The following ARHGEF28 variants were observed in gnomAD, a reference collection of about 807,000 sequenced individuals.
ARHGEF28 encodes the protein 190 kDa guanine nucleotide exchange factor.
Under a neutral mutation model 206.6 loss-of-function variants are expected in ARHGEF28, and 152 were observed. The ratio of observed to expected loss-of-function variants is 0.74; its 90% CI spans 0.64 to 0.84. The LOEUF (loss-of-function observed/expected upper bound fraction) is 0.84. Ranked by LOEUF, ARHGEF28 falls within the 40% of genes least tolerant of loss-of-function variation. The pLI is 0.00. For synonymous variants in ARHGEF28, 763 were observed against 776.4 expected (o/e 0.98, Z 0.29); for missense variants, 2,028 against 2,073.2 (o/e 0.98, Z 0.42).
chr5:73,824,978 A>C (rs1756819257), intron 9 of ARHGEF28, among the ~76,000 whole-genome samples: 1 of 152,336 alleles, frequency 6.6e-6, no homozygotes, highest in Admixed American at 6.5e-5. Context: ...TCAGAATCTG[A>C]GAAAACATTA....
chr5:73,739,039 G>C (rs1751195296), intron 2 of ARHGEF28, among the ~76,000 whole-genome samples: 1 of 152,176 alleles, frequency 6.6e-6, no homozygotes, highest in Non-Finnish European at 1.5e-5. Context: ...GTCACTAATA[G>C]AACTTAGTTG....
intron 2 of ARHGEF28, among the ~76,000 whole-genome samples, chr5:73,717,453 C>G (rs1580521308): frequency 6.6e-6 from 1 of 152,274 alleles, no homozygotes; most frequent in East Asian, 1.9e-4. Flanking sequence ...CTGCCACCAT[C>G]TAGTCCTTTC....
chr5:73,674,075 G>A (rs1746508801), intron 1 of ARHGEF28, among the ~76,000 whole-genome samples: 1 of 152,044 alleles, frequency 6.6e-6, no homozygotes, highest in Non-Finnish European at 1.5e-5. Context: ...GAGGGCTGAG[G>A]TGGGAGGATC....
At chr5:73,678,435 T>C (rs888507719) in intron 1 of ARHGEF28, among the ~76,000 whole-genome samples, 1 of 152,244 alleles carries the variant, frequency 6.6e-6, no homozygotes, top group African/African-American at 2.4e-5. Flanking sequence ...AAGTGAAATG[T>C]AAATAACATT....
chr5:73,689,195 G>A (rs1488208694), intron 2 of ARHGEF28, among the ~76,000 whole-genome samples: 1 of 152,174 alleles, frequency 6.6e-6, no homozygotes, highest in Non-Finnish European at 1.5e-5. Context: ...AGAAGGAGGT[G>A]CAGTCTTTGG....
At chr5:73,767,505 G>A (rs1485240047) in intron 4 of ARHGEF28, among the ~76,000 whole-genome samples, 7 of 152,112 alleles carry the variant, frequency 4.6e-5, no homozygotes, top group Non-Finnish European at 7.4e-5. Flanking sequence ...CGAAGGTTAC[G>A]TTTTAGCAAA....
chr5:73,887,789 TTC>T, intron 26 of ARHGEF28, 110 bp downstream of exon 26: 1 of 869,842 alleles, frequency 1.1e-6, no homozygotes, highest in South Asian at 2.0e-5. Flanking sequence ...AAGTATATGC[TTC>T]TGTTATGTTT....
In ARHGEF28 at chr5:73,892,043, T is replaced by A. The variant is rs1262666696; in HGVS notation, c.3388-9T>A. 1 of 1,594,874 alleles carries A rather than the reference T, an allele frequency of 6.3e-7. No homozygotes were observed. Among genetic ancestry groups the A allele is most frequent in the Non-Finnish European group, 8.6e-7 (1 of 1,169,562 alleles). On this transcript the variant is annotated splice_polypyrimidine_tract_variant and intron_variant, in intron 26 of 35. Coordinates refer to ENST00000513042, the MANE Select transcript of ARHGEF28 (RefSeq NM_001177693.2). ...CTGTTTCATCTGCTCACCTTCCTAT[T>A]TTATGTAGGATCAGAAGCCATCAGT...
At chr5:73,844,803 A>G (rs1758213362) in intron 11 of ARHGEF28, among the ~76,000 whole-genome samples, 1 of 149,514 alleles carries the variant, frequency 6.7e-6, no homozygotes, top group Non-Finnish European at 1.5e-5. Flanking sequence ...CACACATTTG[A>G]AATGCTTCGT....
rs1035161166 is a variant in ARHGEF28 at position 73,815,546 on chromosome 5, G to A, written c.1025-16792G>A. ...TCTGTAGAGTCTACCAAATCTCTGT[G>A]TCAATTCTAACCCAGTTAAATTTGG... On this transcript the variant is annotated intron_variant, in intron 9 of 35. Coordinates refer to ENST00000513042, the MANE Select transcript of ARHGEF28 (RefSeq NM_001177693.2). 3.9e-5 allele frequency among the ~76,000 whole-genome samples: 6 copies of A among 152,268 alleles called. No individual in the cohort carries two copies. The South Asian group carries it at 1.2e-3, about 32-fold the overall frequency.
chr5:73,825,770 GT>G (rs1756871715), intron 9 of ARHGEF28, among the ~76,000 whole-genome samples: 1 of 152,204 alleles, frequency 6.6e-6, no homozygotes, highest in Non-Finnish European at 1.5e-5. Flanking sequence ...GAAAGACAGA[GT>G]TGCCATTTTT....
rs1450949634 is a variant in ARHGEF28 at position 73,920,611 on chromosome 5, G to A, written c.4948+9036G>A. On this transcript the variant is annotated intron_variant, in intron 35 of 35. Transcript: ENST00000513042. ...TTCGCCCAAGCTGGACTGCAGTGGCGCTATCCCGGCTCACTGCAAGCTCCG... is the reference window on the plus strand; with the variant it reads ...TTCGCCCAAGCTGGACTGCAGTGGCACTATCCCGGCTCACTGCAAGCTCCG... 6.2e-5 allele frequency among the ~76,000 whole-genome samples: 9 copies of A among 145,244 alleles called. 1 individual carries two copies. In the South Asian group the frequency reaches 1.4e-3, roughly 22 times the overall value.
chr5:73,888,832 T>C (rs1761455768), intron 26 of ARHGEF28, among the ~76,000 whole-genome samples: 1 of 152,108 alleles, frequency 6.6e-6, no homozygotes. Flanking sequence ...AAGTGAGGTA[T>C]TAGGAATGCA....
chr5:73,767,916 T>C (rs893092190), intron 4 of ARHGEF28, among the ~76,000 whole-genome samples: 1 of 152,062 alleles, frequency 6.6e-6, no homozygotes, highest in Non-Finnish European at 1.5e-5. Context: ...AGGGTCCCCA[T>C]GTTGTGCAGC....
chr5:73,894,522 A>G lies in ARHGEF28; in HGVS notation c.3788A>G (p.Asp1263Gly), dbSNP rs551079346. 1.2e-6 allele frequency: 2 copies of G among 1,613,840 alleles called. No individual in the cohort carries two copies. The highest frequency in any genetic ancestry group is 2.2e-5 in the South Asian group (2 of 91,050). The part of the protein sequence containing the change: ...HLEPHLLIKP[D>G]PGEPPQAASL... ...GAGCCCCACCTCCTTATTAAACCTGACCCAGGCGAGCCTCCCCAGGCAGCC... is the reference window on the plus strand; with the variant it reads ...GAGCCCCACCTCCTTATTAAACCTGGCCCAGGCGAGCCTCCCCAGGCAGCC... The change falls in exon 29 of 36, where the codon GAC becomes GGC. Residue 1263 changes from aspartate (D) to glycine (G), a missense_variant. Physicochemically the swap from Asp to Gly is moderately conservative, Grantham distance 94. Around this residue, in one of 3 missense-constraint regions of ARHGEF28, gnomAD observed 803 missense variants for 768.0 expected, o/e 1.05. Coordinates refer to ENST00000513042, the MANE Select transcript of ARHGEF28 (RefSeq NM_001177693.2).
At chr5:73,909,030 G>A (rs1457598001) in intron 33 of ARHGEF28, 1 of 165,126 alleles carries the variant, frequency 6.1e-6, no homozygotes, top group East Asian at 1.7e-4. Flanking sequence ...ACTAGGGAGA[G>A]ACCTCAGCAA....
At chr5:73,916,843 C>G (rs1236396668) in intron 35 of ARHGEF28, among the ~76,000 whole-genome samples, 1 of 152,044 alleles carries the variant, frequency 6.6e-6, no homozygotes, top group Non-Finnish European at 1.5e-5. Context: ...TGAACTATAA[C>G]AACATTGTTA....
At chr5:73,633,970 TC>T (rs1743539471) in intron 1 of ARHGEF28, among the ~76,000 whole-genome samples, 1 of 152,184 alleles carries the variant, frequency 6.6e-6, no homozygotes, top group Non-Finnish European at 1.5e-5. Flanking sequence ...GAGCCATATA[TC>T]CTCATTCATG....
At chr5:73,715,492 G>A (rs903404690) in intron 2 of ARHGEF28, among the ~76,000 whole-genome samples, 1 of 152,004 alleles carries the variant, frequency 6.6e-6, no homozygotes, top group African/African-American at 2.4e-5. Context: ...TCACACAATG[G>A]GTGATTCTCT....
Sources: gnomAD v4.1 joint callset for allele counts (sites outside exome capture counted in the v4.1 genomes callset) on GRCh38, gnomAD v4.1.1 for gene constraint, gnomAD v4.1.1 regional missense constraint, MANE v1.5 for transcripts, NCBI Gene and HGNC (gene_info 2026-07-23, HGNC 2026-07-21) for gene names.